DMD: variants seen among roughly 807,000 people sequenced by gnomAD.
DMD encodes the protein dystrophin.
In DMD, 63 loss-of-function variants were observed where a neutral mutation model predicts 330.1. The ratio of observed to expected loss-of-function variants is 0.19; its 90% CI spans 0.16 to 0.24. The LOEUF is 0.24. Ranked by LOEUF, DMD falls within the 10% of genes least tolerant of loss-of-function variation. The pLI is 1.00. For missense variants in DMD, 3,344 were observed against 2,684.1 expected (o/e 1.25, Z -5.43); for synonymous variants, 1,223 against 959.8 (o/e 1.27, Z -5.07).
chrX:32,389,035 C>T (rs1192914306), intron 32 of DMD, among the ~76,000 whole-genome samples: 1 of 111,338 alleles, frequency 9.0e-6, no homozygotes, highest in African/African-American at 3.3e-5. Flanking sequence ...AATAAGAGTA[C>T]CTGAATTGGA....
intron 44 of DMD, among the ~76,000 whole-genome samples, chrX:31,990,144 T>C (rs766155608): frequency 8.9e-6 from 1 of 112,742 alleles, no homozygotes; most frequent in East Asian, 2.8e-4. Context: ...TAGCGCTTAA[T>C]GTCTTCATAA....
chrX:31,957,735 A>C (rs2095260893), intron 45 of DMD, among the ~76,000 whole-genome samples: 2 of 112,317 alleles, frequency 1.8e-5, no homozygotes, highest in Non-Finnish European at 3.8e-5. Flanking sequence ...TAATGGTCAA[A>C]CTATGACAAC....
chrX:32,834,856 A>G (rs1452246077), intron 4 of DMD, among the ~76,000 whole-genome samples: 1 of 111,567 alleles, frequency 9.0e-6, no homozygotes, highest in Non-Finnish European at 1.9e-5. Context: ...TACCTTTTGT[A>G]TGAATCTTTA....
At chrX:31,240,966 G>A (rs2048210697) in intron 63 of DMD, among the ~76,000 whole-genome samples, 1 of 110,477 alleles carries the variant, frequency 9.1e-6, no homozygotes, top group South Asian at 3.8e-4. Context: ...ATTTTTAAAG[G>A]GAACAGTAAT....
intron 59 of DMD, among the ~76,000 whole-genome samples, chrX:31,449,180 A>G (rs1358989910): frequency 9.0e-6 from 1 of 111,492 alleles, no homozygotes; most frequent in Non-Finnish European, 1.9e-5. Flanking sequence ...GAATCAACAG[A>G]CCTGGCATAG....
chrX:33,010,376 A>ATATG (rs1454418963), intron 2 of DMD, among the ~76,000 whole-genome samples: 1 of 108,652 alleles, frequency 9.2e-6, no homozygotes, highest in African/African-American at 3.4e-5. Context: ...ATATATATAT[A>ATATG]TACACATTTT....
Position 32,573,617 on chromosome X carries a change from A to C in DMD, c.1725T>G (p.Leu575=). 1 of 1,210,781 alleles carries C rather than the reference A, an allele frequency of 8.3e-7. No homozygotes were observed. Among genetic ancestry groups the C allele is most frequent in the South Asian group, 1.8e-5 (1 of 56,997 alleles). Residue 575 remains leucine (L), a synonymous_variant, in exon 15 of 79, where the codon CTT becomes CTG. Transcript: ENST00000357033. ...TGTTCACTGCATCTTCTTTTTCTGA[A>C]AGCCATGCACTAAAAAGGCACTGCA... ...TEEQCLFSAW[L]SEKEDAVNKI... is the part of the protein sequence containing the mutation.
chrX:32,054,363 GC>G (rs1228739487), intron 44 of DMD, among the ~76,000 whole-genome samples: 1 of 68,494 alleles, frequency 1.5e-5, no homozygotes, highest in Non-Finnish European at 2.6e-5. Context: ...CCCACAACAG[GC>G]CCCGGTGTGT....
At chrX:31,305,983 T>G (rs1285820171) in intron 62 of DMD, among the ~76,000 whole-genome samples, 2 of 112,365 alleles carry the variant, frequency 1.8e-5, no homozygotes, top group Non-Finnish European at 3.8e-5. Flanking sequence ...AAATATTTTT[T>G]GCTGTTGTTG....
chrX:32,351,418 A>G (rs1417713469), intron 37 of DMD, among the ~76,000 whole-genome samples: 1 of 110,266 alleles, frequency 9.1e-6, no homozygotes, highest in Non-Finnish European at 1.9e-5. Context: ...GAAGAACAAA[A>G]CTACAGATTA....
chrX:31,735,227 T>C (rs1176659276), intron 51 of DMD, among the ~76,000 whole-genome samples: 1 of 111,820 alleles, frequency 8.9e-6, no homozygotes, highest in Non-Finnish European at 1.9e-5. Flanking sequence ...CCCTCTCTCT[T>C]CCTTGCAGAG....
At chrX:33,033,325 G>A (rs960666792) in intron 1 of DMD, among the ~76,000 whole-genome samples, 1 of 108,830 alleles carries the variant, frequency 9.2e-6, no homozygotes, top group Non-Finnish European at 1.9e-5. Context: ...CCGAGAACAC[G>A]TCCCTCAGTG....
chrX:31,880,673 AGACT>A (rs1225804632), intron 47 of DMD, among the ~76,000 whole-genome samples: 1 of 112,292 alleles, frequency 8.9e-6, no homozygotes, highest in Non-Finnish European at 1.9e-5. Context: ...TTCAGTCAAC[AGACT>A]GACTGTGATC....
intron 65 of DMD, among the ~76,000 whole-genome samples, chrX:31,208,905 C>T (rs1341714630): frequency 5.4e-5 from 6 of 110,103 alleles, no homozygotes; most frequent in Non-Finnish European, 1.9e-5. Flanking sequence ...CCAAAACAAA[C>T]AATTGTTCTC....
At chrX:31,252,467 T>C (rs1189639807) in intron 63 of DMD, among the ~76,000 whole-genome samples, 1 of 111,625 alleles carries the variant, frequency 9.0e-6, no homozygotes, top group African/African-American at 3.3e-5. Context: ...AAGTCTTGAG[T>C]CTCAGTCTGC....
At chrX:31,985,491 A>C (rs2095503036) in intron 44 of DMD, among the ~76,000 whole-genome samples, 1 of 112,772 alleles carries the variant, frequency 8.9e-6, no homozygotes, top group Non-Finnish European at 1.9e-5. Context: ...TTAACTTGAC[A>C]GAGGTCTTTC....
intron 2 of DMD, among the ~76,000 whole-genome samples, chrX:32,887,492 G>C (rs2084719538): frequency 9.1e-6 from 1 of 109,631 alleles, no homozygotes; most frequent in Admixed American, 9.8e-5. Context: ...GCTCATGCCT[G>C]TAATCCCAGT....
intron 25 of DMD, among the ~76,000 whole-genome samples, chrX:32,456,773 T>G (rs2098361178): frequency 9.2e-6 from 1 of 108,679 alleles, no homozygotes. Context: ...TTGGCTTGAA[T>G]AAGTGGAAAG....
chrX:32,375,393 T>G (rs2097897881), intron 34 of DMD, among the ~76,000 whole-genome samples: 1 of 112,334 alleles, frequency 8.9e-6, no homozygotes, highest in Non-Finnish European at 1.9e-5. Flanking sequence ...GCCATGCTCT[T>G]TTGAAACCAA....
Sources: allele counts gnomAD v4.1 joint callset (sites outside exome capture counted in the v4.1 genomes callset), GRCh38; gene constraint gnomAD v4.1.1; transcripts MANE v1.5; gene names NCBI Gene and HGNC (gene_info 2026-07-23, HGNC 2026-07-21).